Variants in FBXL7 observed in about 807,000 individuals in gnomAD.
FBXL7 encodes F-box/LRR-repeat protein 7.
A neutral mutation model predicts 38.3 loss-of-function variants in FBXL7; 12 were observed. The ratio of observed to expected loss-of-function variants is 0.31; its 90% CI spans 0.20 to 0.51. The LOEUF is 0.51. Ranked by LOEUF, FBXL7 falls within the 20% of genes least tolerant of loss-of-function variation. The probability of loss-of-function intolerance (pLI) is 0.98; values close to 1 mark genes in which losing one functional copy is unlikely to be tolerated. For missense variants in FBXL7, 567 were observed against 676.4 expected (o/e 0.84, Z 1.79); for synonymous variants, 297 against 300.9 (o/e 0.99, Z 0.13).
At chr5:15,585,428 T>C (rs1219137498) in intron 1 of FBXL7, among the ~76,000 whole-genome samples, 1 of 152,218 alleles carries the variant, frequency 6.6e-6, no homozygotes, top group African/African-American at 2.4e-5. Context: ...TTCATCACCT[T>C]AACACACCTC....
At chr5:15,509,474 G>A (rs1464702427) in intron 1 of FBXL7, among the ~76,000 whole-genome samples, 3 of 152,102 alleles carry the variant, frequency 2.0e-5, no homozygotes, top group Non-Finnish European at 2.9e-5. Flanking sequence ...TGCTAAATGT[G>A]GACATGAGTG....
chr5:15,809,177 C>T (rs1737790095), intron 2 of FBXL7, among the ~76,000 whole-genome samples: 1 of 152,258 alleles, frequency 6.6e-6, no homozygotes, highest in Non-Finnish European at 1.5e-5. Flanking sequence ...GACGCCTGTT[C>T]TCAAGCAGGA....
rs568924413 is a variant in FBXL7 at position 15,606,411 on chromosome 5, T to C, written c.38-9572T>C. Among the ~76,000 whole-genome samples, 14 of 152,338 alleles carry C rather than the reference T, an allele frequency of 9.2e-5. No individual in the cohort carries two copies. In the South Asian group the frequency reaches 2.9e-3, roughly 32 times the overall value. On this transcript the variant is annotated intron_variant, in intron 1 of 3. Coordinates refer to ENST00000504595, the MANE Select transcript of FBXL7 (RefSeq NM_012304.5). ...TGGTGGGAATTCTCCGCTCTATGTG[T>C]AGGCAATGAGGTCATGGCTTATAGC... is the stretch of plus-strand genomic sequence containing the variant.
At chr5:15,544,396 C>CGTTAT (rs1360409422) in intron 1 of FBXL7, among the ~76,000 whole-genome samples, 2 of 152,174 alleles carry the variant, frequency 1.3e-5, no homozygotes, top group Admixed American at 6.5e-5. Flanking sequence ...ACTGGCACAG[C>CGTTAT]GTTATGTGAT....
intron 2 of FBXL7, among the ~76,000 whole-genome samples, chr5:15,768,031 A>G (rs367990122): frequency 5.9e-5 from 9 of 152,340 alleles, no homozygotes; most frequent in African/African-American, 1.9e-4. Flanking sequence ...AGTATTTGAA[A>G]TATATACAAT....
intron 2 of FBXL7, among the ~76,000 whole-genome samples, chr5:15,810,007 C>T (rs1472468735): frequency 6.6e-6 from 1 of 152,086 alleles, no homozygotes; most frequent in Non-Finnish European, 1.5e-5. Flanking sequence ...ATATTTTGCT[C>T]AATATTTCAG....
At chr5:15,561,213 C>T (rs1375733587) in intron 1 of FBXL7, among the ~76,000 whole-genome samples, 1 of 152,052 alleles carries the variant, frequency 6.6e-6, no homozygotes, top group Non-Finnish European at 1.5e-5. Flanking sequence ...TACCTCTTGA[C>T]CTCTATCTAT....
chr5:15,932,684 G>A (rs1367938885), intron 3 of FBXL7, among the ~76,000 whole-genome samples: 2 of 151,980 alleles, frequency 1.3e-5, no homozygotes, highest in Non-Finnish European at 2.9e-5. Context: ...CTTTCTCTGG[G>A]ATGTGTCTAT....
chr5:15,772,901 G>GT (rs36002508), intron 2 of FBXL7, among the ~76,000 whole-genome samples: 3,270 of 147,078 alleles, frequency 0.022, 108 homozygotes, highest in African/African-American at 0.076. Flanking sequence ...GTGAGACTTT[G>GT]TTTTTTTTTT....
intron 2 of FBXL7, among the ~76,000 whole-genome samples, chr5:15,679,327 T>C (rs1015617055): frequency 6.6e-6 from 1 of 152,220 alleles, no homozygotes; most frequent in Admixed American, 6.5e-5. Flanking sequence ...GCTCTCTATG[T>C]TGAAACCTAA....
chr5:15,881,009 G>T (rs1017539960), intron 2 of FBXL7, among the ~76,000 whole-genome samples: 3 of 151,858 alleles, frequency 2.0e-5, no homozygotes, highest in African/African-American at 7.3e-5. Context: ...TCTGATTCCA[G>T]AAATTTCACT....
chr5:15,666,625 A>T (rs1742288440), intron 2 of FBXL7, among the ~76,000 whole-genome samples: 1 of 152,216 alleles, frequency 6.6e-6, no homozygotes, highest in Non-Finnish European at 1.5e-5. Flanking sequence ...ATTTTCCACA[A>T]CTTTTCAAAT....
intron 2 of FBXL7, among the ~76,000 whole-genome samples, chr5:15,888,764 TGG>T (rs1740786025): frequency 1.3e-5 from 2 of 152,174 alleles, no homozygotes; most frequent in African/African-American, 4.8e-5. Context: ...ATGGCAAAAT[TGG>T]TCTTTTGCCT....
chr5:15,750,124 T>C (rs964512892), intron 2 of FBXL7, among the ~76,000 whole-genome samples: 2 of 152,200 alleles, frequency 1.3e-5, no homozygotes, highest in African/African-American at 4.8e-5. Flanking sequence ...CTATTTTAGG[T>C]GCTTGAGTAT....
intron 2 of FBXL7, among the ~76,000 whole-genome samples, chr5:15,875,074 C>A (rs549681368): frequency 3.9e-5 from 6 of 152,158 alleles, no homozygotes; most frequent in African/African-American, 1.2e-4. Flanking sequence ...ATATATAGAC[C>A]AATGGAACAG....
At chr5:15,643,853 G>A (rs1322111823) in intron 2 of FBXL7, among the ~76,000 whole-genome samples, 1 of 152,198 alleles carries the variant, frequency 6.6e-6, no homozygotes, top group Non-Finnish European at 1.5e-5. Context: ...GGGTTCATGT[G>A]AGGCCATGTC....
intron 1 of FBXL7, among the ~76,000 whole-genome samples, chr5:15,542,263 A>G (rs1271864571): frequency 6.6e-6 from 1 of 152,172 alleles, no homozygotes; most frequent in African/African-American, 2.4e-5. Context: ...TTTATTTCCA[A>G]ATAACTTTCT....
chr5:15,925,093 C>A lies in FBXL7; in HGVS notation c.128-2797C>A, dbSNP rs558042246. Among the ~76,000 whole-genome samples the A allele has an allele frequency of 4.6e-5, 7 of 152,270 alleles. No individual in the cohort carries two copies. In the East Asian group the frequency reaches 1.3e-3, roughly 29 times the overall value. On this transcript the variant is annotated intron_variant, in intron 2 of 3. Transcript: ENST00000504595. ...ACTCTGTCTGAGGTGAACTGCAAAG[C>A]ATATGACAAAGGATATGGGGACACA...
intron 2 of FBXL7, among the ~76,000 whole-genome samples, chr5:15,643,052 A>G (rs1026009265): frequency 6.6e-6 from 1 of 152,162 alleles, no homozygotes; most frequent in African/African-American, 2.4e-5. Flanking sequence ...TATTTGTTTC[A>G]GAGGGTCTGC....
Sources: gnomAD v4.1 joint callset for allele counts (sites outside exome capture counted in the v4.1 genomes callset) on GRCh38, gnomAD v4.1.1 for gene constraint, MANE v1.5 for transcripts, NCBI Gene and HGNC (gene_info 2026-07-23, HGNC 2026-07-21) for gene names.